Variants in OSBP2 observed in about 807,000 individuals in gnomAD.
OSBP2 encodes the protein oxysterol-binding protein 2.
A neutral mutation model predicts 96.0 loss-of-function variants in OSBP2; 66 were observed. The observed-to-expected ratio is 0.69, with a 90% CI of 0.56 to 0.84. The LOEUF (loss-of-function observed/expected upper bound fraction) is 0.84. OSBP2 is among the 40% of genes least tolerant of loss of function. OSBP2 has a pLI of 0.00. For synonymous variants in OSBP2, 525 were observed against 520.9 expected, an observed-to-expected ratio of 1.01 and a Z score of -0.11; for missense variants, 1,038 against 1,222.7, an observed-to-expected ratio of 0.85 and a Z score of 2.25.
chr22:30,737,038 C>T (rs928166848), intron 1 of OSBP2, among the ~76,000 whole-genome samples: 5 of 151,960 alleles, frequency 3.3e-5, no homozygotes, highest in Non-Finnish European at 7.4e-5. Context: ...TTTTTTGAGA[C>T]GGAGTCTTGC....
Position 30,782,002 on chromosome 22 carries a change from C to T in OSBP2, c.853+40633C>T, listed in dbSNP as rs115158055. 7.7e-3 allele frequency among the ~76,000 whole-genome samples: 1,179 copies of T among 152,218 alleles called. 12 individuals are homozygous for T. The highest frequency in any genetic ancestry group is 0.024 in the African/African-American group (977 of 41,538). ...TCTCTATAAAAATACAACAGTTAGC[C>T]AGGCGTGGTGGTGGGCACCTGTATT... On this transcript the variant is annotated intron_variant, in intron 2 of 13. Transcript: ENST00000332585.
chr22:30,726,459 A>G (rs988392170), intron 1 of OSBP2, among the ~76,000 whole-genome samples: 1 of 152,028 alleles, frequency 6.6e-6, no homozygotes, highest in Non-Finnish European at 1.5e-5. Context: ...GGAGGGGAAC[A>G]TCACACACTG....
chr22:30,878,539 G>A (rs2039633594), intron 3 of OSBP2, among the ~76,000 whole-genome samples: 1 of 152,226 alleles, frequency 6.6e-6, no homozygotes, highest in South Asian at 2.1e-4. Flanking sequence ...CAGGATGCAG[G>A]AGGGTCTTTC....
chr22:30,864,856 T>C (rs1483362169), intron 2 of OSBP2, among the ~76,000 whole-genome samples: 1 of 152,156 alleles, frequency 6.6e-6, no homozygotes, highest in African/African-American at 2.4e-5. Flanking sequence ...CATCTATGCC[T>C]TAACCCTGGA....
intron 2 of OSBP2, among the ~76,000 whole-genome samples, chr22:30,830,391 C>T (rs571202837): frequency 5.9e-5 from 9 of 152,356 alleles, no homozygotes; most frequent in African/African-American, 9.6e-5. Flanking sequence ...ACCTGGACAG[C>T]GCCCTGGGGC....
chr22:30,794,849 A>C (rs1417933286), intron 2 of OSBP2, among the ~76,000 whole-genome samples: 1 of 151,696 alleles, frequency 6.6e-6, no homozygotes, highest in East Asian at 1.9e-4. Flanking sequence ...TGTTTTATTC[A>C]TACATGTATA....
intron 1 of OSBP2, among the ~76,000 whole-genome samples, chr22:30,719,052 C>G (rs2089504798): frequency 6.6e-6 from 1 of 152,214 alleles, no homozygotes; most frequent in African/African-American, 2.4e-5. Flanking sequence ...TGTCAGCTTA[C>G]TGAGCCTTTG....
chr22:30,902,193 A>T, intron 12 of OSBP2: 1 of 1,033,772 alleles, frequency 9.7e-7, no homozygotes, highest in Middle Eastern at 3.3e-4. Context: ...TGGTTCCCGT[A>T]GCCAGAAGGA....
chr22:30,824,578 GAGCTGCCT>G (rs1002659713), intron 2 of OSBP2, among the ~76,000 whole-genome samples: 10 of 152,118 alleles, frequency 6.6e-5, no homozygotes, highest in Admixed American at 1.3e-4. Context: ...TGGGAGGTGG[GAGCTGCCT>G]AGCCCCTGAC....
chr22:30,861,371 G>A (rs921584246), intron 2 of OSBP2, among the ~76,000 whole-genome samples: 18 of 152,174 alleles, frequency 1.2e-4, no homozygotes, highest in African/African-American at 4.1e-4. Context: ...CTCGCCTGGA[G>A]AAGTTGTCAG....
At chr22:30,902,841 C>A (rs2040246167) in intron 12 of OSBP2, 3 of 330,338 alleles carry the variant, frequency 9.1e-6, no homozygotes, top group South Asian at 5.8e-5. Flanking sequence ...GCCTGGTGAA[C>A]CCCTGGGCCA....
chr22:30,719,480 C>A lies in OSBP2; in HGVS notation c.645-21681C>A, dbSNP rs192018142. On this transcript the variant is annotated intron_variant, in intron 1 of 13. Transcript: ENST00000332585. Reference sequence around the variant, plus strand: ...GAACTTAAAAGTCACCAAGGCCAGGCACAGTGGCTCACACCTGTAATCCCA... The same window carrying A: ...GAACTTAAAAGTCACCAAGGCCAGGAACAGTGGCTCACACCTGTAATCCCA... 2.6e-3 allele frequency among the ~76,000 whole-genome samples: 400 copies of A among 152,180 alleles called. 1 individual carries two copies. Among genetic ancestry groups the A allele is most frequent in the African/African-American group, 9.0e-3 (375 of 41,560 alleles).
At position 30,890,627 on chromosome 22, in the gene OSBP2, G is replaced by A. The variant is rs1179880221; in HGVS notation, c.1624-101G>A. The A allele has an allele frequency of 1.5e-6, 2 of 1,323,072 alleles. No homozygotes were observed. Among genetic ancestry groups the A allele is most frequent in the East Asian group, 2.3e-5 (1 of 42,966 alleles). 82.0% of individuals were successfully genotyped at this position (1,323,072 alleles called of 1,614,324 possible). On this transcript the variant is annotated intron_variant, in intron 7 of 13. Coordinates refer to ENST00000332585, the MANE Select transcript of OSBP2 (RefSeq NM_030758.4). The surrounding 1 kb of genome is among the most constrained non-coding windows in gnomAD (Gnocchi z 4.4). ...ATCTGAGGAGCCTCACTGTGAAGGT[G>A]CTGTCTGAGCAGGGATGTCCCTGAA...
chr22:30,762,496 T>C (rs136340), intron 2 of OSBP2, among the ~76,000 whole-genome samples: 102,705 of 151,520 alleles, frequency 0.68, 35,443 homozygotes, highest in African/African-American at 0.81. Flanking sequence ...GAGCTGAGAT[T>C]GCACCACTGC....
chr22:30,735,800 G>T (rs1340155080), intron 1 of OSBP2, among the ~76,000 whole-genome samples: 1 of 151,964 alleles, frequency 6.6e-6, no homozygotes, highest in East Asian at 1.9e-4. Flanking sequence ...TCGTCTCACT[G>T]CAACCTCCTT....
At chr22:30,833,603 G>T (rs2038574956) in intron 2 of OSBP2, among the ~76,000 whole-genome samples, 1 of 152,162 alleles carries the variant, frequency 6.6e-6, no homozygotes, top group Non-Finnish European at 1.5e-5. Flanking sequence ...ATAGTAAATG[G>T]ACTCAAAGCC....
At chr22:30,747,642 C>T (rs1284822934) in intron 2 of OSBP2, among the ~76,000 whole-genome samples, 2 of 152,124 alleles carry the variant, frequency 1.3e-5, no homozygotes, top group East Asian at 1.9e-4. Flanking sequence ...CCCGTGTGAT[C>T]AGGCCCCTGC....
chr22:30,798,358 T>C (rs906650917), intron 2 of OSBP2, among the ~76,000 whole-genome samples: 1 of 152,248 alleles, frequency 6.6e-6, no homozygotes, highest in Non-Finnish European at 1.5e-5. Flanking sequence ...TGCAAATATT[T>C]TCTCACATCC....
intron 2 of OSBP2, among the ~76,000 whole-genome samples, chr22:30,751,511 C>T (rs772332098): frequency 2.6e-5 from 4 of 152,060 alleles, no homozygotes; most frequent in Admixed American, 1.3e-4. Context: ...TCCACCACCA[C>T]GCCTGGCTAG....
Sources: allele counts gnomAD v4.1 joint callset (sites outside exome capture counted in the v4.1 genomes callset), GRCh38; gene constraint gnomAD v4.1.1; non-coding constraint Gnocchi (gnomAD v3.1); transcripts MANE v1.5; gene names NCBI Gene and HGNC (gene_info 2026-07-23, HGNC 2026-07-21).